Variants in MGAT4C observed in about 807,000 individuals in gnomAD.
The protein encoded by MGAT4C is alpha-1,3-mannosyl-glycoprotein 4-beta-N-acetylglucosaminyltransferase C.
Under a neutral mutation model 40.1 loss-of-function variants are expected in MGAT4C, and 19 were observed. The observed-to-expected ratio is 0.47, with a 90% CI of 0.33 to 0.70. MGAT4C has a LOEUF of 0.70. Ranked by LOEUF, MGAT4C falls within the 30% of genes least tolerant of loss-of-function variation. MGAT4C has a pLI of 0.02. For synonymous variants in MGAT4C, 181 were observed against 187.1 expected, an observed-to-expected ratio of 0.97 and a Z score of 0.27; for missense variants, 491 against 563.2, an observed-to-expected ratio of 0.87 and a Z score of 1.30.
intron 1 of MGAT4C, among the ~76,000 whole-genome samples, chr12:86,794,779 T>A (rs1952082697): frequency 6.6e-6 from 1 of 151,818 alleles, no homozygotes; most frequent in South Asian, 2.1e-4. Context: ...CAGAAATCAA[T>A]TTTTTTGTTT....
chr12:86,158,456 T>C (rs1477768394), intron 1 of MGAT4C, among the ~76,000 whole-genome samples: 1 of 152,178 alleles, frequency 6.6e-6, no homozygotes, highest in African/African-American at 2.4e-5. Flanking sequence ...GTTAAAGGTA[T>C]GGAATATGTA....
At chr12:86,794,717 C>T (rs1320772041) in intron 1 of MGAT4C, among the ~76,000 whole-genome samples, 1 of 151,790 alleles carries the variant, frequency 6.6e-6, no homozygotes, top group Non-Finnish European at 1.5e-5. Flanking sequence ...TTTCCTAGAG[C>T]ATAATGTGAT....
At chr12:86,600,701 G>C (rs976985100) in intron 2 of MGAT4C, among the ~76,000 whole-genome samples, 29 of 152,210 alleles carry the variant, frequency 1.9e-4, no homozygotes, top group Non-Finnish European at 3.8e-4. Context: ...CCAGGGCTGC[G>C]CACTCTGCGG....
At chr12:86,711,094 G>A (rs1321886207) in intron 2 of MGAT4C, among the ~76,000 whole-genome samples, 1 of 152,062 alleles carries the variant, frequency 6.6e-6, no homozygotes, top group African/African-American at 2.4e-5. Flanking sequence ...GTGTACACTG[G>A]TCGGGTGACA....
In MGAT4C at chr12:86,042,867, CAAAAAAAAA is replaced by C. The variant is rs140809256; in HGVS notation, c.-7+6798_-7+6806del. On this transcript the variant is annotated intron_variant, in intron 2 of 4. Transcript: ENST00000611864. The stretch of plus-strand genomic sequence containing the variant: ...TGGGCAACAGAGCAAGACTCTGTCT[CAAAAAAAAA>C]AAAAAAAAAAAAGAATGCTGAATAT... Among the ~76,000 whole-genome samples, 187 of 107,982 alleles carry C rather than the reference CAAAAAAAAA, an allele frequency of 1.7e-3. 1 individual carries two copies. Among genetic ancestry groups the C allele is most frequent in the Non-Finnish European group, 1.8e-3 (102 of 56,124 alleles). 70.8% of individuals were successfully genotyped at this position (107,982 alleles called of 152,430 possible).
intron 4 of MGAT4C, among the ~76,000 whole-genome samples, chr12:86,293,924 T>C (rs1953594273): frequency 6.6e-6 from 1 of 152,080 alleles, no homozygotes; most frequent in African/African-American, 2.4e-5. Context: ...GAACTGTGAG[T>C]CAACTAAACC....
At chr12:86,563,993 G>A (rs1398686518) in intron 2 of MGAT4C, among the ~76,000 whole-genome samples, 1 of 152,160 alleles carries the variant, frequency 6.6e-6, no homozygotes, top group Non-Finnish European at 1.5e-5. Flanking sequence ...ATGGAATCCA[G>A]TAGAGCTGCC....
intron 1 of MGAT4C, among the ~76,000 whole-genome samples, chr12:86,816,870 T>C (rs1952617287): frequency 6.6e-6 from 1 of 151,476 alleles, no homozygotes; most frequent in South Asian, 2.1e-4. Context: ...TATTTTATTG[T>C]TTCTCACTGT....
At chr12:86,564,435 C>A (rs1191388181) in intron 2 of MGAT4C, among the ~76,000 whole-genome samples, 3 of 152,086 alleles carry the variant, frequency 2.0e-5, no homozygotes, top group African/African-American at 7.2e-5. Flanking sequence ...TTTGGAGTGA[C>A]CTTGGTCATT....
chr12:86,550,999 C>G (rs1959330059), intron 2 of MGAT4C, among the ~76,000 whole-genome samples: 1 of 152,186 alleles, frequency 6.6e-6, no homozygotes, highest in Non-Finnish European at 1.5e-5. Flanking sequence ...GCAGACATGC[C>G]CCCAGGCCAG....
chr12:86,473,843 G>C (rs1180429094), intron 2 of MGAT4C, among the ~76,000 whole-genome samples: 1 of 151,986 alleles, frequency 6.6e-6, no homozygotes, highest in Non-Finnish European at 1.5e-5. Flanking sequence ...GGCCTTTTTA[G>C]GTCAAATATA....
At chr12:86,542,513 A>T (rs1425402228) in intron 2 of MGAT4C, among the ~76,000 whole-genome samples, 1 of 152,178 alleles carries the variant, frequency 6.6e-6, no homozygotes, top group African/African-American at 2.4e-5. Flanking sequence ...GTTGTGGGCC[A>T]TTTAATTTTT....
chr12:86,763,254 GA>G (rs1258441727), intron 1 of MGAT4C, among the ~76,000 whole-genome samples: 2 of 152,168 alleles, frequency 1.3e-5, no homozygotes, highest in Non-Finnish European at 2.9e-5. Context: ...ACAAAATTAT[GA>G]ATCTATTCTG....
chr12:85,984,918 G>T (rs1231498013), intron 3 of MGAT4C, among the ~76,000 whole-genome samples: 1 of 151,782 alleles, frequency 6.6e-6, no homozygotes, highest in Non-Finnish European at 1.5e-5. Flanking sequence ...AGCTGGGATT[G>T]CAGGCACACG....
intron 3 of MGAT4C, among the ~76,000 whole-genome samples, chr12:86,403,317 C>T (rs1343345262): frequency 2.6e-5 from 4 of 152,122 alleles, no homozygotes; most frequent in South Asian, 2.1e-4. Context: ...AACCATGTAA[C>T]GCTGATGGAA....
Position 86,055,465 on chromosome 12 carries a change from T to C in MGAT4C, c.-56-5742A>G, listed in dbSNP as rs549242879. ...AATGAGAACCACATGAGTAAATACA[T>C]TAATATCAAAAGTCTCTAAACCATA... On this transcript the variant is annotated intron_variant, in intron 1 of 4. Transcript: ENST00000611864. Among the ~76,000 whole-genome samples the C allele has an allele frequency of 1.4e-3, 214 of 152,152 alleles. 2 individuals carry two copies. The highest frequency in any genetic ancestry group is 3.4e-3 in the Middle Eastern group (1 of 294).
chr12:86,616,419 G>A (rs191979609), intron 2 of MGAT4C, among the ~76,000 whole-genome samples: 123 of 152,166 alleles, frequency 8.1e-4, no homozygotes, highest in South Asian at 5.0e-3. Context: ...ATAGGTAACC[G>A]TAAGTAACAT....
intron 4 of MGAT4C, among the ~76,000 whole-genome samples, chr12:86,295,983 T>C (rs543658516): frequency 1.7e-4 from 24 of 140,052 alleles, no homozygotes; most frequent in South Asian, 2.6e-4. Flanking sequence ...AGAGTGTCAA[T>C]TGGTGCACTC....
At chr12:86,256,122 A>G (rs1286376899) in intron 1 of MGAT4C, 117 bp downstream of exon 1, 1 of 152,084 alleles carries the variant, frequency 6.6e-6, no homozygotes. Flanking sequence ...ATAATGATAA[A>G]CATTCCTGAA....
Sources: allele counts gnomAD v4.1 joint callset (sites outside exome capture counted in the v4.1 genomes callset), GRCh38; gene constraint gnomAD v4.1.1; transcripts MANE v1.5; gene names NCBI Gene and HGNC (gene_info 2026-07-23, HGNC 2026-07-21).